Variants in EML5 observed in about 807,000 individuals in gnomAD.
EML5 encodes echinoderm microtubule-associated protein-like 5.
Under a neutral mutation model 250.0 loss-of-function variants are expected in EML5, and 120 were observed. The ratio of observed to expected loss-of-function variants is 0.48; its 90% confidence interval spans 0.41 to 0.56. EML5 has a LOEUF of 0.56. EML5 is among the 20% of genes least tolerant of loss of function. The pLI, the probability that EML5 is intolerant of heterozygous loss-of-function variation, is 0.00. For missense variants in EML5, 2,006 were observed against 2,437.6 expected, an observed-to-expected ratio of 0.82 and a Z score of 3.73; for synonymous variants, 771 against 806.5, an observed-to-expected ratio of 0.96 and a Z score of 0.75.
chr14:88,767,927 G>A (rs2094341454), intron 1 of EML5, among the ~76,000 whole-genome samples: 1 of 152,066 alleles, frequency 6.6e-6, no homozygotes, highest in African/African-American at 2.4e-5. Context: ...TCTGTTCCAA[G>A]ATCCTATCCA....
At chr14:88,659,150 T>C (rs1188305615) in intron 25 of EML5, among the ~76,000 whole-genome samples, 1 of 152,156 alleles carries the variant, frequency 6.6e-6, no homozygotes, top group Non-Finnish European at 1.5e-5. Context: ...GGTTTTCCGT[T>C]AACATCTTTT....
intron 31 of EML5, among the ~76,000 whole-genome samples, chr14:88,641,254 A>G (rs910072755): frequency 5.3e-5 from 8 of 152,128 alleles, no homozygotes; most frequent in African/African-American, 1.9e-4. Flanking sequence ...TCTCTAACTC[A>G]TTCTGTGAAG....
chr14:88,654,983 G>A (rs2140872280), intron 27 of EML5, among the ~76,000 whole-genome samples: 1 of 152,136 alleles, frequency 6.6e-6, no homozygotes, highest in East Asian at 1.9e-4. Context: ...TATATATTTA[G>A]GAAAGTTAGG....
chr14:88,782,476 A>G (rs1262556793), intron 1 of EML5, among the ~76,000 whole-genome samples: 2 of 152,218 alleles, frequency 1.3e-5, no homozygotes, highest in Non-Finnish European at 2.9e-5. Flanking sequence ...GACAAAGAGG[A>G]AAACGTCTCC....
chr14:88,791,032 A>C (rs1472285278), intron 1 of EML5, among the ~76,000 whole-genome samples: 2 of 152,184 alleles, frequency 1.3e-5, no homozygotes, highest in African/African-American at 4.8e-5. Flanking sequence ...AACAAAAAAA[A>C]CCAACTGAAT....
chr14:88,745,890 A>C lies in EML5; in HGVS notation c.456+295T>G, dbSNP rs554986645. Among the ~76,000 whole-genome samples the C allele has an allele frequency of 6.1e-4, 93 of 152,312 alleles. 1 individual carries two copies. In the East Asian group the frequency reaches 0.016, roughly 26 times the overall value. On this transcript the variant is annotated intron_variant, in intron 3 of 43. Transcript: ENST00000554922. Reference sequence around the variant, plus strand: ...CTCCATGGCACGTGTATACCTATGTAACAAACCTGCACGTTCTGCACATGT... The same window carrying C: ...CTCCATGGCACGTGTATACCTATGTCACAAACCTGCACGTTCTGCACATGT...
chr14:88,682,089 T>C, intron 20 of EML5, 58 bp from the exon 21 acceptor site: 1 of 1,404,052 alleles, frequency 7.1e-7, no homozygotes. Context: ...ATACACAGTT[T>C]TATTTAGAAT....
intron 30 of EML5, 124 bp downstream of exon 30, chr14:88,644,309 A>T: frequency 3.8e-6 from 3 of 785,698 alleles, no homozygotes; most frequent in East Asian, 5.5e-5. Flanking sequence ...ATAAGAATTA[A>T]GTCAAACAAA....
chr14:88,740,981 G>A (rs966834777), intron 4 of EML5, among the ~76,000 whole-genome samples: 1 of 152,106 alleles, frequency 6.6e-6, no homozygotes, highest in Non-Finnish European at 1.5e-5. Flanking sequence ...TGGCCAATAT[G>A]GCGAAGTCCC....
In EML5 at chr14:88,640,513, G is replaced by A. The variant is rs568262869; in HGVS notation, c.4238-1606C>T. Among the ~76,000 whole-genome samples the A allele has an allele frequency of 1.1e-4, 16 of 152,240 alleles. No homozygotes were observed. The East Asian group carries it at 1.5e-3, about 15-fold the overall frequency. Reference sequence around the variant, plus strand: ...AAAATCTTCAAAGTAGATTAAAACAGAGACACAACATACCAAAATCTTTGG... The same window carrying A: ...AAAATCTTCAAAGTAGATTAAAACAAAGACACAACATACCAAAATCTTTGG... On this transcript the variant is annotated intron_variant, in intron 31 of 43. Coordinates refer to ENST00000554922, the MANE Select transcript of EML5 (RefSeq NM_183387.3).
rs182379957 is a variant in EML5, at chr14:88,784,099, C to G, written c.197+8208G>C. On this transcript the variant is annotated intron_variant, in intron 1 of 43. Coordinates refer to ENST00000554922, the MANE Select transcript of EML5 (RefSeq NM_183387.3). Reference sequence around the variant, plus strand: ...AAGGAAACTGAAAAATTTCTTGAAACAAATGTAAGTGGAAACAACATAACA... The same window carrying G: ...AAGGAAACTGAAAAATTTCTTGAAAGAAATGTAAGTGGAAACAACATAACA... Among the ~76,000 whole-genome samples, 27 of 152,048 alleles carry G rather than the reference C, an allele frequency of 1.8e-4. No individual in the cohort carries two copies. In the East Asian group the frequency reaches 5.2e-3, roughly 29 times the overall value.
At chr14:88,631,586 T>C (rs1353906586) in intron 33 of EML5, among the ~76,000 whole-genome samples, 1 of 152,168 alleles carries the variant, frequency 6.6e-6, no homozygotes, top group Non-Finnish European at 1.5e-5. Context: ...CTAGCCAACA[T>C]GGTGAAACCC....
rs1476642308 is a variant in EML5, at chr14:88,792,437, G to A, written c.67C>T (p.Gln23Ter). 6.5e-7 allele frequency: 1 copy of A among 1,544,918 alleles called. No individual in the cohort carries two copies. Among genetic ancestry groups the A allele is most frequent in the Non-Finnish European group, 8.7e-7 (1 of 1,145,546 alleles). Residue 23 changes from glutamine (Q) to a stop codon, truncating the protein, a stop_gained, in exon 1 of 44, where the codon CAG becomes TAG. Transcript: ENST00000554922. LOFTEE classifies it high-confidence loss of function. This position sits in a 1 kb window ranked among gnomAD's most constrained non-coding sequence, Gnocchi z 6.9. Reference sequence around the variant, plus strand: ...GTGTAGTAGAGGTTGTTGCGGCACTGGTGGCCCCGGTAGCCGTACACCCAC... The same window carrying A: ...GTGTAGTAGAGGTTGTTGCGGCACTAGTGGCCCCGGTAGCCGTACACCCAC... ...LEWVYGYRGH[Q>*]CRNNLYYTAA...
intron 2 of EML5, among the ~76,000 whole-genome samples, chr14:88,750,829 C>A (rs1369195940): frequency 6.6e-6 from 1 of 152,122 alleles, no homozygotes; most frequent in Non-Finnish European, 1.5e-5. Flanking sequence ...AGGGCATCAG[C>A]AAAAATCTAG....
At chr14:88,719,822 C>T (rs2093562218) in intron 8 of EML5, among the ~76,000 whole-genome samples, 1 of 151,698 alleles carries the variant, frequency 6.6e-6, no homozygotes, top group Admixed American at 6.6e-5. Flanking sequence ...ACATGAAAAT[C>T]CCTCCAAAAA....
At position 88,637,176 on chromosome 14, in the gene EML5, C is replaced by T. The variant is rs867803289; in HGVS notation, c.4336+1633G>A. On this transcript the variant is annotated intron_variant, in intron 32 of 43. Transcript: ENST00000554922. ...AAATCCTTTCTTATTCTTTAGTCTTCCCTTGAGTCTATCTTAATTAGTCAC... is the reference window on the plus strand; with the variant it reads ...AAATCCTTTCTTATTCTTTAGTCTTTCCTTGAGTCTATCTTAATTAGTCAC... Among the ~76,000 whole-genome samples, 4 of 152,246 alleles carry T rather than the reference C, an allele frequency of 2.6e-5. No individual in the cohort carries two copies. In the South Asian group the frequency reaches 8.3e-4, roughly 32 times the overall value.
chr14:88,746,468 T>C (rs2094005801), intron 2 of EML5, among the ~76,000 whole-genome samples, 185 bp from the exon 3 acceptor site: 1 of 152,192 alleles, frequency 6.6e-6, no homozygotes, highest in Admixed American at 6.5e-5. Context: ...CACATATGTA[T>C]AGATCTTCAC....
chr14:88,777,125 C>T (rs2094454549), intron 1 of EML5, among the ~76,000 whole-genome samples: 1 of 152,004 alleles, frequency 6.6e-6, no homozygotes, highest in South Asian at 2.1e-4. Flanking sequence ...CCAAAAAAGA[C>T]TACTTCAAGG....
chr14:88,692,496 T>C (rs2092983670), intron 17 of EML5, among the ~76,000 whole-genome samples: 1 of 152,218 alleles, frequency 6.6e-6, no homozygotes, highest in Admixed American at 6.5e-5. Flanking sequence ...ATATTAGGTA[T>C]TATCGGTAGT....
Sources: allele counts gnomAD v4.1 joint callset (sites outside exome capture counted in the v4.1 genomes callset), GRCh38; gene constraint gnomAD v4.1.1; non-coding constraint Gnocchi (gnomAD v3.1); transcripts MANE v1.5; gene names NCBI Gene and HGNC (gene_info 2026-07-23, HGNC 2026-07-21).